The following COL6A6 variants were observed in gnomAD, a reference collection of about 807,000 sequenced individuals.
The protein encoded by COL6A6 is collagen alpha-6(VI) chain.
COL6A6 carries 183 observed loss-of-function variants against 208.6 expected under a neutral mutation model. The observed-to-expected ratio is 0.88, with a 90% CI of 0.78 to 0.99. The LOEUF is 0.99. Among genes scored for constraint, COL6A6 ranks in the 50% least tolerant of loss-of-function variants. COL6A6 has a pLI of 0.00. For missense variants in COL6A6, 2,816 were observed against 2,815.2 expected (o/e 1.00, Z -0.01); for synonymous variants, 973 against 1,011.8 (o/e 0.96, Z 0.73).
At chr3:130,641,756 T>TAAAA in intron 29 of COL6A6, 42 bp downstream of exon 29, 2 of 986,194 alleles carry the variant, frequency 2.0e-6, no homozygotes, top group South Asian at 1.8e-5. Context: ...CCTTTTCCAT[T>TAAAA]AAAAAAAAAA....
chr3:130,655,114 C>G (rs2065753541), intron 33 of COL6A6, among the ~76,000 whole-genome samples: 1 of 152,072 alleles, frequency 6.6e-6, no homozygotes, highest in South Asian at 2.1e-4. Context: ...CTTGCAAGCT[C>G]CAGAATAATG....
At position 130,568,320 on chromosome 3, in the gene COL6A6, G is replaced by C. The variant is rs1359067435; in HGVS notation, c.2117G>C (p.Ser706Thr). 1 of 1,613,898 alleles carries C rather than the reference G, an allele frequency of 6.2e-7. No homozygotes were observed. The highest frequency in any genetic ancestry group is 1.3e-5 in the African/African-American group (1 of 74,920). ...ACCACCCTGACTGGTAGTGCCCTGAGCTTTGTGTCTCAGTACTTCAGCCCC... is the reference window on the plus strand; with the variant it reads ...ACCACCCTGACTGGTAGTGCCCTGACCTTTGTGTCTCAGTACTTCAGCCCC... ...GQTTLTGSAL[S>T]FVSQYFSPTK... is the part of the protein sequence containing the mutation. The change falls in exon 6 of 37, where the codon AGC becomes ACC. Residue 706 changes from serine (S) to threonine (T), a missense_variant. Transcript: ENST00000358511.
At chr3:130,522,776 C>A (rs957541950) in intron 1 of COL6A6, among the ~76,000 whole-genome samples, 1 of 152,102 alleles carries the variant, frequency 6.6e-6, no homozygotes. Flanking sequence ...CATCAACAGT[C>A]CCATCTAATC....
At chr3:130,666,097 T>C (rs187928841) in intron 36 of COL6A6, among the ~76,000 whole-genome samples, 3 of 152,176 alleles carry the variant, frequency 2.0e-5, no homozygotes, top group East Asian at 1.9e-4. Flanking sequence ...CTTGCCTACA[T>C]TGTTTATAGG....
At chr3:130,524,170 A>G (rs1191466981) in intron 1 of COL6A6, among the ~76,000 whole-genome samples, 1 of 152,222 alleles carries the variant, frequency 6.6e-6, no homozygotes, top group Non-Finnish European at 1.5e-5. Flanking sequence ...CTCAGCTTGC[A>G]CTGGTGAATG....
rs755431021 is a variant in COL6A6, at chr3:130,594,337, G to A, written c.4527G>A (p.Gly1509=). The A allele has an allele frequency of 6.2e-7, 1 of 1,612,922 alleles. No homozygotes were observed. The highest frequency in any genetic ancestry group is 8.5e-7 in the Non-Finnish European group (1 of 1,179,416). ...PGDRGAKGLR[G]DPGAPGVDSS... Reference sequence around the variant, plus strand: ...ACCGTGGAGCAAAGGGCCTGCGAGGGGATCCCGTAAGTGCACGGGCTGCAA... The same window carrying A: ...ACCGTGGAGCAAAGGGCCTGCGAGGAGATCCCGTAAGTGCACGGGCTGCAA... Residue 1509 remains glycine, a synonymous_variant, in exon 18 of 37, where the codon GGG becomes GGA. Coordinates refer to ENST00000358511, the MANE Select transcript of COL6A6 (RefSeq NM_001102608.3).
chr3:130,603,372 T>TC (rs2064083070), intron 20 of COL6A6, among the ~76,000 whole-genome samples: 1 of 152,122 alleles, frequency 6.6e-6, no homozygotes, highest in African/African-American at 2.4e-5. Context: ...GGGTACTAAA[T>TC]CCCCCCTTTC....
chr3:130,551,113 C>T (rs2062631618), intron 1 of COL6A6, among the ~76,000 whole-genome samples: 1 of 98,272 alleles, frequency 1.0e-5, no homozygotes, highest in African/African-American at 2.7e-5. Flanking sequence ...GGATCTTGGC[C>T]TGAAGCTTTT....
intron 1 of COL6A6, among the ~76,000 whole-genome samples, chr3:130,546,409 T>C (rs962256810): frequency 5.3e-5 from 8 of 152,142 alleles, no homozygotes; most frequent in African/African-American, 1.9e-4. Context: ...TGTTTACAGC[T>C]CATAAAGGCA....
intron 21 of COL6A6, 29 bp downstream of exon 21, chr3:130,606,995 A>G (rs1698483702): frequency 1.3e-6 from 2 of 1,573,234 alleles, no homozygotes; most frequent in African/African-American, 1.3e-5. Context: ...TTAACTCCAA[A>G]TAACAAATAC....
chr3:130,649,823 T>C (rs1053093789), intron 33 of COL6A6, among the ~76,000 whole-genome samples: 1 of 152,198 alleles, frequency 6.6e-6, no homozygotes, highest in African/African-American at 2.4e-5. Context: ...AAACTGAGCA[T>C]GCAGAAGTTA....
In COL6A6 at chr3:130,533,280, C is replaced by T. The variant is rs143110225; in HGVS notation, c.-32+15883C>T. 2.3e-3 allele frequency among the ~76,000 whole-genome samples: 315 copies of T among 135,434 alleles called. 3 individuals are homozygous for T. The highest frequency in any genetic ancestry group is 9.6e-3 in the African/African-American group (295 of 30,628). 88.8% of individuals were successfully genotyped at this position (135,434 alleles called of 152,430 possible). Reference sequence around the variant, plus strand: ...AAAAAAAAAAAAAAAAAAGCAAAAACGGTGTCAAGCACAGGTGCTCCACCT... The same window carrying T: ...AAAAAAAAAAAAAAAAAAGCAAAAATGGTGTCAAGCACAGGTGCTCCACCT... On this transcript the variant is annotated intron_variant, in intron 1 of 36. Transcript: ENST00000358511.
At chr3:130,524,602 A>C (rs1381003002) in intron 1 of COL6A6, among the ~76,000 whole-genome samples, 1 of 152,156 alleles carries the variant, frequency 6.6e-6, no homozygotes, top group Non-Finnish European at 1.5e-5. Context: ...AAAATTCTTT[A>C]AGTAGTTGCC....
rs182669087 is a variant in COL6A6 at position 130,554,791 on chromosome 3, A to G, written c.-31-5543A>G. Among the ~76,000 whole-genome samples, 344 of 152,288 alleles carry G rather than the reference A, an allele frequency of 2.3e-3. 3 individuals carry two copies. The highest frequency in any genetic ancestry group is 7.8e-3 in the African/African-American group (326 of 41,550). On this transcript the variant is annotated intron_variant, in intron 1 of 36. Transcript: ENST00000358511. ...TGGGTGAGTGTTCACTGGTAAAGAA[A>G]GCAACATGGGAGGCTGCAGTGGGGG...
At position 130,649,009 on chromosome 3, in the gene COL6A6, T is replaced by C; in HGVS notation, c.5240-60T>C. On this transcript the variant is annotated intron_variant, in intron 32 of 36. Coordinates refer to ENST00000358511, the MANE Select transcript of COL6A6 (RefSeq NM_001102608.3). The stretch of plus-strand genomic sequence containing the variant: ...TAACATTTAAAATTACTTTGCCTTC[T>C]ATGTATCTTTTTTTTTTTTTAAATA... 4.5e-6 allele frequency: 6 copies of C among 1,337,656 alleles called. No homozygotes were observed. In the South Asian group the frequency reaches 8.7e-5, roughly 19 times the overall value. The allele number at this position is 1,337,656 out of a possible 1,614,324, so 82.9% of individuals were successfully genotyped here. A position where few individuals can be genotyped will look rare whatever the true frequency, so the allele number is the denominator to read the frequency against.
chr3:130,620,293 G>C (rs1245341101), intron 23 of COL6A6, among the ~76,000 whole-genome samples: 5 of 152,128 alleles, frequency 3.3e-5, no homozygotes, highest in African/African-American at 1.2e-4. Context: ...GAACAATAAG[G>C]CCAGAGGATG....
chr3:130,639,142 T>A (rs776371766), intron 28 of COL6A6, among the ~76,000 whole-genome samples: 9 of 152,120 alleles, frequency 5.9e-5, no homozygotes, highest in Non-Finnish European at 1.0e-4. Flanking sequence ...TCTGGGAGAG[T>A]TCGTTGAGTT....
rs139046038 is a variant in COL6A6, at chr3:130,648,328, A to G, written c.5240-741A>G. Among the ~76,000 whole-genome samples, 616 of 152,350 alleles carry G rather than the reference A, an allele frequency of 4.0e-3. 2 individuals are homozygous for G. The highest frequency in any genetic ancestry group is 0.014 in the African/African-American group (588 of 41,582). ...CACAATGAAAAAGTCTGGAATGATA[A>G]TTATAACAGCAATGGTTGACATTTA... is the stretch of plus-strand genomic sequence containing the variant. On this transcript the variant is annotated intron_variant, in intron 32 of 36. Transcript: ENST00000358511.
rs75918635 is a variant in COL6A6 at position 130,592,624 on chromosome 3, A to G, written c.4344+12A>G. ...CCAAAGGTCCTAAGGTAAGGATTGCATAAGAGTGTGGAGTTTTCTCAATAT... is the reference window on the plus strand; with the variant it reads ...CCAAAGGTCCTAAGGTAAGGATTGCGTAAGAGTGTGGAGTTTTCTCAATAT... On this transcript the variant is annotated intron_variant, in intron 14 of 36. Transcript: ENST00000358511. 2,660 of 1,613,394 alleles carry G rather than the reference A, an allele frequency of 1.6e-3. 42 individuals carry two copies. In the African/African-American group the frequency reaches 0.032, roughly 19 times the overall value.
Sources: allele counts gnomAD v4.1 joint callset (sites outside exome capture counted in the v4.1 genomes callset), GRCh38; gene constraint gnomAD v4.1.1; transcripts MANE v1.5; gene names NCBI Gene and HGNC (gene_info 2026-07-23, HGNC 2026-07-21).